MAPT: variants seen among roughly 807,000 people sequenced by gnomAD.
The protein encoded by MAPT is microtubule-associated protein tau.
In MAPT, 34 loss-of-function variants were observed where a neutral mutation model predicts 67.9. The ratio of observed to expected loss-of-function variants is 0.50; its 90% CI spans 0.38 to 0.67. The LOEUF (loss-of-function observed/expected upper bound fraction) is 0.67. Among genes scored for constraint, MAPT ranks in the 30% least tolerant of loss-of-function variants. The probability of loss-of-function intolerance (pLI) is 0.00; values close to 1 mark genes in which losing one functional copy is unlikely to be tolerated. For synonymous variants in MAPT, 456 were observed against 464.5 expected (o/e 0.98, Z 0.23); for missense variants, 881 against 1,115.2 (o/e 0.79, Z 2.99).
intron 1 of MAPT, among the ~76,000 whole-genome samples, chr17:45,929,998 T>G (rs2066697430): frequency 6.6e-6 from 1 of 152,204 alleles, no homozygotes; most frequent in Admixed American, 6.5e-5. Context: ...CCTACCTGCA[T>G]TCCTAGGGAA....
chr17:45,997,282 G>A (rs192995918), intron 9 of MAPT, among the ~76,000 whole-genome samples: 59 of 152,260 alleles, frequency 3.9e-4, no homozygotes, highest in Middle Eastern at 3.4e-3. Context: ...GGGTGCGTTA[G>A]GGCTGACATA....
chr17:45,954,458 CA>C (rs1357680764), intron 1 of MAPT, among the ~76,000 whole-genome samples: 1 of 151,950 alleles, frequency 6.6e-6, no homozygotes, highest in Non-Finnish European at 1.5e-5. Flanking sequence ...TCCATCTCTA[CA>C]AAAAATACAA....
chr17:45,957,531 A>G (rs2069874456), intron 1 of MAPT, among the ~76,000 whole-genome samples: 1 of 152,208 alleles, frequency 6.6e-6, no homozygotes, highest in Non-Finnish European at 1.5e-5. Flanking sequence ...TGGCAGCCCC[A>G]GCACTGGCAC....
chr17:45,945,723 G>C (rs1254408173), intron 1 of MAPT, among the ~76,000 whole-genome samples: 2 of 152,148 alleles, frequency 1.3e-5, no homozygotes, highest in East Asian at 1.9e-4. Flanking sequence ...TGAGGCAGGA[G>C]AATCACTAGA....
At chr17:45,914,628 T>C (rs1366075733) in intron 1 of MAPT, among the ~76,000 whole-genome samples, 1 of 152,166 alleles carries the variant, frequency 6.6e-6, no homozygotes, top group Non-Finnish European at 1.5e-5. Context: ...GTTTCAGTGG[T>C]GGCCTCTGGT....
Position 45,915,628 on chromosome 17 carries a change from G to T in MAPT, c.-18+20942G>T, listed in dbSNP as rs2065153338. 6.6e-6 allele frequency among the ~76,000 whole-genome samples: 1 copy of T among 152,060 alleles called. No individual in the cohort carries two copies. ...TGTGAGCATGTGTGAGTGTGTGTGT[G>T]TTCAGCATATATAAGGCATGTAACT... On this transcript the variant is annotated intron_variant, in intron 1 of 12. Transcript: ENST00000262410. This position sits in a 1 kb window ranked among gnomAD's most constrained non-coding sequence, Gnocchi z 4.4.
At chr17:45,957,700 G>A (rs867790135) in intron 1 of MAPT, among the ~76,000 whole-genome samples, 4 of 152,104 alleles carry the variant, frequency 2.6e-5, no homozygotes, top group Admixed American at 6.6e-5. Context: ...ACTACATTCC[G>A]CCCCCAACTG....
chr17:45,980,479 G>A (rs1315178719), intron 4 of MAPT: 2 of 150,654 alleles, frequency 1.3e-5, no homozygotes, highest in African/African-American at 2.5e-5. Context: ...ACTCCAGCCT[G>A]GGCGACAGAG....
At position 45,987,076 on chromosome 17, in the gene MAPT, G is replaced by A. The variant is rs2073624046; in HGVS notation, c.1388G>A (p.Ser463Asn). Residue 463 changes from serine (S) to asparagine (N), a missense_variant, in exon 6 of 13, where the codon AGC (serine) becomes AAC (asparagine). Around this residue, in one of 6 missense-constraint regions of MAPT, gnomAD observed 687 missense variants for 766.1 expected, o/e 0.90. Transcript: ENST00000262410. ...MVSKSKDGTGSDDKKAKTSTR... is the reference protein window; with the variant it reads ...MVSKSKDGTGNDDKKAKTSTR... ...AGTAAAAGCAAAGACGGGACTGGAA[G>A]CGATGACAAAAAAGCCAAGGTAAGC... The A allele has an allele frequency of 1.2e-6, 2 of 1,614,048 alleles. No individual in the cohort carries two copies. Among genetic ancestry groups the A allele is most frequent in the Non-Finnish European group, 1.7e-6 (2 of 1,179,956 alleles).
intron 1 of MAPT, among the ~76,000 whole-genome samples, chr17:45,937,533 G>C (rs2067446525): frequency 1.3e-5 from 2 of 150,376 alleles, no homozygotes; most frequent in African/African-American, 4.9e-5. Context: ...TGAGGTTACA[G>C]TAAGCTGTGA....
In MAPT at chr17:45,983,430, A is replaced by G. The variant is rs776878556; in HGVS notation, c.851A>G (p.Lys284Arg). 6.2e-7 allele frequency: 1 copy of G among 1,607,304 alleles called. No homozygotes were observed. Residue 284 changes from lysine to arginine, a missense_variant, in exon 5 of 13, where the codon AAA (lysine) becomes AGA (arginine). Lys to Arg is a conservative substitution (Grantham distance 26). Transcript: ENST00000262410. ...CCGCCGCTGAAGGGGGCAGGGGGCAAAGAGAGGCCGGGGAGCAAGGAGGAG... is the reference window on the plus strand; with the variant it reads ...CCGCCGCTGAAGGGGGCAGGGGGCAGAGAGAGGCCGGGGAGCAAGGAGGAG... ...EGPPLKGAGG[K>R]ERPGSKEEVD...
chr17:46,019,536 AT>A (rs1243917842), intron 12 of MAPT, among the ~76,000 whole-genome samples: 1 of 151,774 alleles, frequency 6.6e-6, no homozygotes, highest in Non-Finnish European at 1.5e-5. Context: ...CTGGCTAAAT[AT>A]TTTGTATTTC....
At chr17:46,012,733 G>A (rs980242405) in intron 10 of MAPT, among the ~76,000 whole-genome samples, 26 of 151,746 alleles carry the variant, frequency 1.7e-4, no homozygotes, top group African/African-American at 5.1e-4. Context: ...CTTTCTGGCC[G>A]TTCCCTGGTC....
At chr17:45,909,737 G>A (rs2064613267) in intron 1 of MAPT, among the ~76,000 whole-genome samples, 1 of 152,110 alleles carries the variant, frequency 6.6e-6, no homozygotes, top group East Asian at 1.9e-4. Context: ...CAAGCATGAT[G>A]GCATGTGCCT....
intron 1 of MAPT, among the ~76,000 whole-genome samples, chr17:45,941,164 A>ACTCC (rs2067818516): frequency 1.3e-5 from 2 of 152,242 alleles, no homozygotes; most frequent in Admixed American, 6.5e-5. Flanking sequence ...ACCTACGGGA[A>ACTCC]AACTGAAGGG....
At chr17:46,015,519 C>T (rs1447921455) in intron 11 of MAPT, among the ~76,000 whole-genome samples, 5 of 151,936 alleles carry the variant, frequency 3.3e-5, no homozygotes, top group Admixed American at 6.6e-5. Context: ...ATTAGCCAGG[C>T]GTGGTGGCAG....
chr17:45,977,978 CAA>C (rs1457277766), intron 3 of MAPT: 1 of 217,436 alleles, frequency 4.6e-6, no homozygotes, highest in Admixed American at 5.2e-5. Context: ...GCAACCCAGG[CAA>C]AGTCTTTCCT....
chr17:45,952,819 C>T (rs1349649088), intron 1 of MAPT, among the ~76,000 whole-genome samples: 1 of 152,154 alleles, frequency 6.6e-6, no homozygotes, highest in Non-Finnish European at 1.5e-5. Flanking sequence ...CTGGCCACTG[C>T]TTCTTCCATA....
intron 3 of MAPT, among the ~76,000 whole-genome samples, chr17:45,972,247 CT>C (rs2071777030): frequency 1.3e-5 from 2 of 152,226 alleles, no homozygotes; most frequent in Admixed American, 6.5e-5. Flanking sequence ...CAAAAGCCCC[CT>C]CCTCTCTCTT....
Sources: allele counts gnomAD v4.1 joint callset (sites outside exome capture counted in the v4.1 genomes callset), GRCh38; gene constraint gnomAD v4.1.1; regional missense constraint gnomAD v4.1.1; non-coding constraint Gnocchi (gnomAD v3.1); transcripts MANE v1.5; gene names NCBI Gene and HGNC (gene_info 2026-07-23, HGNC 2026-07-21).